Variants in DEFB134 observed in about 807,000 individuals in gnomAD.
DEFB134 encodes the protein defensin beta 134.
Under a neutral mutation model 7.4 loss-of-function variants are expected in DEFB134, and 7 were observed. That is an observed-to-expected ratio of 0.95 (90% CI 0.54 to 1.79). The LOEUF (loss-of-function observed/expected upper bound fraction) is 1.79. Ranked by LOEUF, DEFB134 falls within the 40% of genes most tolerant of loss-of-function variation. The probability of loss-of-function intolerance (pLI) is 0.00; values close to 1 mark genes in which losing one functional copy is unlikely to be tolerated. For missense variants in DEFB134, 105 were observed against 74.8 expected, an observed-to-expected ratio of 1.40 and a Z score of -1.49; for synonymous variants, 33 against 25.0, an observed-to-expected ratio of 1.32 and a Z score of -0.96.
At position 11,996,229 on chromosome 8, in the gene DEFB134, AAC is replaced by A. The variant is rs1184270275; in HGVS notation, c.21_22del (p.Phe8CysfsTer26). On this transcript the variant is annotated frameshift_variant, in exon 1 of 2. Transcript: ENST00000526438. LOFTEE classifies it high-confidence loss of function. The stretch of plus-strand genomic sequence containing the variant: ...TGGATCCCAAAGGAAAAGAAAGACA[AAC>A]ACAACAAGGAGAGGCTTCATGGCTG... The A allele has an allele frequency of 6.2e-7, 1 of 1,613,580 alleles. No individual in the cohort carries two copies. Among genetic ancestry groups the A allele is most frequent in the African/African-American group, 1.3e-5 (1 of 74,888 alleles).
At position 11,996,309 on chromosome 8, in the gene DEFB134, A is replaced by T. The variant is rs1293824447; in HGVS notation, c.-58T>A. ...AGGGTCTGACATCGGCTGTCAGGGA[A>T]CAGAGAGAAGAGGTTGAGCACACAG... On this transcript the variant is annotated 5_prime_UTR_variant, in exon 1 of 2. Transcript: ENST00000526438. The T allele has an allele frequency of 3.8e-6, 6 of 1,594,954 alleles. No homozygotes were observed. In the African/African-American group the frequency reaches 8.1e-5, roughly 21 times the overall value.
At chr8:11,996,436 A>G (rs1800126132), upstream of DEFB134, 5 of 467,604 alleles carry the variant, frequency 1.1e-5, no homozygotes, top group South Asian at 2.4e-4. Flanking sequence ...CATCTGAGGA[A>G]AAAAAATGGA....
chr8:11,997,484 C>T (rs1420977100), upstream of DEFB134, among the ~76,000 whole-genome samples: 2 of 152,118 alleles, frequency 1.3e-5, no homozygotes, highest in Non-Finnish European at 2.9e-5. Context: ...AGAGATCTCA[C>T]ACGCAATGAC....
At chr8:11,996,664 T>G (rs567733023), upstream of DEFB134, among the ~76,000 whole-genome samples, 1 of 152,336 alleles carries the variant, frequency 6.6e-6, no homozygotes, top group African/African-American at 2.4e-5. Context: ...AAGTTACAGA[T>G]GAACTGCTCT....
chr8:11,996,115 G>T, intron 1 of DEFB134, 79 bp downstream of exon 2: 1 of 1,526,444 alleles, frequency 6.6e-7, no homozygotes, highest in Non-Finnish European at 9.1e-7. Context: ...CCCATGGGTG[G>T]TGTATGTTTA....
At chr8:11,995,958 C>CAAAAAAAAAAAAAAAAAAAAAAAAA (rs34837269) in intron 1 of DEFB134, among the ~76,000 whole-genome samples, 1 of 139,890 alleles carries the variant, frequency 7.1e-6, no homozygotes, top group African/African-American at 2.8e-5. Flanking sequence ...TCAGTTCAGC[C>CAAAAAAAAAAAAAAAAAAAAAAAAA]AAAAAAAAAA....
At chr8:11,999,188 G>T, upstream of DEFB134, 1 of 192,644 alleles carries the variant, frequency 5.2e-6, no homozygotes, top group African/African-American at 2.4e-5. Flanking sequence ...CAATTTCTTA[G>T]CAACCAGCCA....
upstream of DEFB134, among the ~76,000 whole-genome samples, chr8:11,997,797 T>G (rs1048372685): frequency 2.0e-5 from 3 of 152,160 alleles, no homozygotes; most frequent in Admixed American, 6.5e-5. Context: ...CCACTGACAG[T>G]GTTAAGCAGA....
At chr8:11,998,349 G>C (rs1239627966), upstream of DEFB134, among the ~76,000 whole-genome samples, 1 of 152,044 alleles carries the variant, frequency 6.6e-6, no homozygotes, top group East Asian at 1.9e-4. Flanking sequence ...TACTTGGGAG[G>C]TCGAGGTGGG....
At position 11,996,301 on chromosome 8, in the gene DEFB134, G is replaced by A. The variant is rs970024113; in HGVS notation, c.-50C>T. On this transcript the variant is annotated 5_prime_UTR_variant, in exon 1 of 2. Transcript: ENST00000526438. ...CTAGTGGCAGGGTCTGACATCGGCT[G>A]TCAGGGAACAGAGAGAAGAGGTTGA... 4.4e-6 allele frequency: 7 copies of A among 1,601,806 alleles called. No homozygotes were observed. Among genetic ancestry groups the A allele is most frequent in the Non-Finnish European group, 5.1e-6 (6 of 1,169,162 alleles).
upstream of DEFB134, chr8:11,998,990 A>C (rs2150561455): frequency 6.6e-6 from 1 of 152,594 alleles, no homozygotes; most frequent in Non-Finnish European, 1.5e-5. Flanking sequence ...ACTGGAAAGA[A>C]ATTGAATGCC....
chr8:11,995,484 C>T (rs565893941), intron 1 of DEFB134, among the ~76,000 whole-genome samples: 8 of 152,242 alleles, frequency 5.3e-5, no homozygotes, highest in African/African-American at 9.6e-5. Context: ...TTGCTAAAGT[C>T]GGAAAGGATA....
exon 2 of DEFB134, chr8:11,993,436 T>C (rs74747232): frequency 0.041 from 6,215 of 152,368 alleles, 128 homozygotes; most frequent in Non-Finnish European, 0.05. Context: ...TTCCAGCCCA[T>C]CACAAGATGG....
At chr8:11,994,483 G>T (rs1269695111) in intron 1 of DEFB134, among the ~76,000 whole-genome samples, 1 of 152,186 alleles carries the variant, frequency 6.6e-6, no homozygotes, top group African/African-American at 2.4e-5. Context: ...AAGCTTGAAA[G>T]CAAGCTCTCA....
upstream of DEFB134, among the ~76,000 whole-genome samples, chr8:11,996,679 A>G (rs1459121637): frequency 6.6e-6 from 1 of 152,228 alleles, no homozygotes; most frequent in African/African-American, 2.4e-5. Flanking sequence ...TGCTCTTCTC[A>G]GAGACAAACT....
At chr8:11,994,829 C>G (rs1800074964) in intron 1 of DEFB134, among the ~76,000 whole-genome samples, 1 of 151,938 alleles carries the variant, frequency 6.6e-6, no homozygotes, top group South Asian at 2.1e-4. Flanking sequence ...AATTTTCATT[C>G]TAGACAAAAA....
At chr8:11,997,842 A>G (rs1800166672), upstream of DEFB134, among the ~76,000 whole-genome samples, 1 of 152,188 alleles carries the variant, frequency 6.6e-6, no homozygotes, top group South Asian at 2.1e-4. Context: ...GATATTGAGG[A>G]CCTAAACTCA....
chr8:11,996,535 C>G (rs1376459141), upstream of DEFB134, among the ~76,000 whole-genome samples: 1 of 152,188 alleles, frequency 6.6e-6, no homozygotes, highest in African/African-American at 2.4e-5. Context: ...GGCCTGAGAA[C>G]TATGTGCTCT....
upstream of DEFB134, among the ~76,000 whole-genome samples, chr8:11,998,251 C>A (rs1800176903): frequency 6.6e-6 from 1 of 151,850 alleles, no homozygotes; most frequent in Admixed American, 6.6e-5. Context: ...GAGTTTAAGG[C>A]CACCTTGTGC....
Sources: gnomAD v4.1 joint callset for allele counts (sites outside exome capture counted in the v4.1 genomes callset) on GRCh38, gnomAD v4.1.1 for gene constraint, MANE v1.5 for transcripts, NCBI Gene and HGNC (gene_info 2026-07-23, HGNC 2026-07-21) for gene names.